The following TCF12 variants were observed in gnomAD, a reference collection of about 807,000 sequenced individuals.
TCF12 encodes the protein transcription factor 12, also known as DNA-binding protein HTF4.
TCF12 carries 45 observed loss-of-function variants against 86.0 expected under a neutral mutation model. That is an observed-to-expected ratio of 0.52 (90% CI 0.41 to 0.67). The LOEUF is 0.67. Among genes scored for constraint, TCF12 ranks in the 30% least tolerant of loss-of-function variants. The pLI is 0.00. For missense variants in TCF12, 881 were observed against 859.9 expected, an observed-to-expected ratio of 1.02 and a Z score of -0.31; for synonymous variants, 330 against 299.6, an observed-to-expected ratio of 1.10 and a Z score of -1.05.
chr15:57,189,384 A>T (rs1361440265), intron 6 of TCF12, among the ~76,000 whole-genome samples: 3 of 152,190 alleles, frequency 2.0e-5, no homozygotes, highest in African/African-American at 7.2e-5. Flanking sequence ...AACTCTTACA[A>T]TTCAACAACA....
chr15:57,222,139 T>G (rs1277650098), intron 8 of TCF12, among the ~76,000 whole-genome samples: 1 of 151,956 alleles, frequency 6.6e-6, no homozygotes, highest in Non-Finnish European at 1.5e-5. Flanking sequence ...TGATTCATTT[T>G]TAACATCCCA....
At chr15:57,055,584 T>A (rs1344060962) in intron 3 of TCF12, among the ~76,000 whole-genome samples, 3 of 152,058 alleles carry the variant, frequency 2.0e-5, no homozygotes, top group Non-Finnish European at 4.4e-5. Context: ...TTCTCCCACA[T>A]CCCCCAACCC....
chr15:57,208,402 A>C (rs1224137768), intron 8 of TCF12, among the ~76,000 whole-genome samples: 1 of 1,358 alleles, frequency 7.4e-4, no homozygotes, highest in South Asian at 9.1e-3. Flanking sequence ...TTTTTTTTGG[A>C]GACAGAGTCT....
chr15:57,282,098 A>G, intron 19 of TCF12: 2 of 321,176 alleles, frequency 6.2e-6, no homozygotes, highest in South Asian at 5.4e-5. Context: ...ATTCATGTCA[A>G]TTCAGTGTAC....
intron 5 of TCF12, among the ~76,000 whole-genome samples, chr15:57,093,504 G>A (rs957363601): frequency 7.2e-5 from 11 of 152,072 alleles, no homozygotes; most frequent in Non-Finnish European, 8.8e-5. Flanking sequence ...TGACTTTTAG[G>A]CCCAATGGAA....
rs796551176 is a variant in TCF12, at chr15:57,049,564, G to A, written c.149-14186G>A. Among the ~76,000 whole-genome samples the A allele has an allele frequency of 4.6e-5, 7 of 152,340 alleles. 1 individual carries two copies. The highest frequency in any genetic ancestry group is 1.7e-4 in the African/African-American group (7 of 41,582). ...AGTTTGTTCTTTCTGTTGCTGAATAGTAGTATTTCATTGTATCAATAAACC... is the reference window on the plus strand; with the variant it reads ...AGTTTGTTCTTTCTGTTGCTGAATAATAGTATTTCATTGTATCAATAAACC... On this transcript the variant is annotated intron_variant, in intron 3 of 20. Transcript: ENST00000333725.
intron 3 of TCF12, among the ~76,000 whole-genome samples, 179 bp from the exon 4 acceptor site, chr15:57,063,571 C>A (rs2068621419): frequency 6.6e-6 from 1 of 152,078 alleles, no homozygotes. Flanking sequence ...ATTGATGGAG[C>A]AATGATGAAG....
At chr15:56,994,405 G>A (rs1179433245) in intron 3 of TCF12, among the ~76,000 whole-genome samples, 1 of 152,050 alleles carries the variant, frequency 6.6e-6, no homozygotes, top group African/African-American at 2.4e-5. Context: ...GTAGTTTTGA[G>A]AAAATATTTG....
intron 3 of TCF12, among the ~76,000 whole-genome samples, chr15:56,967,361 G>A (rs1347414014): frequency 1.3e-5 from 2 of 151,946 alleles, no homozygotes; most frequent in East Asian, 1.9e-4. Flanking sequence ...GACTGGATTC[G>A]CCAATTGAGA....
chr15:57,077,429 C>G (rs2070209318), intron 4 of TCF12, among the ~76,000 whole-genome samples: 1 of 140,876 alleles, frequency 7.1e-6, no homozygotes, highest in African/African-American at 2.7e-5. Context: ...GGCTGGAGTG[C>G]AGTGACATGA....
chr15:57,200,890 G>T (rs376339019), intron 8 of TCF12, among the ~76,000 whole-genome samples: 4 of 152,108 alleles, frequency 2.6e-5, no homozygotes, highest in Non-Finnish European at 5.9e-5. Context: ...TAAGTGAATG[G>T]TTCACCTAAA....
intron 3 of TCF12, among the ~76,000 whole-genome samples, chr15:57,014,009 C>G (rs1334205251): frequency 6.6e-6 from 1 of 152,156 alleles, no homozygotes; most frequent in African/African-American, 2.4e-5. Context: ...GGAGAGGACA[C>G]TACTGTATTT....
At chr15:57,141,014 T>C (rs1201755949) in intron 5 of TCF12, among the ~76,000 whole-genome samples, 1 of 152,170 alleles carries the variant, frequency 6.6e-6, no homozygotes, top group Non-Finnish European at 1.5e-5. Flanking sequence ...CTTTATGATG[T>C]GTTTTTTAAA....
At chr15:57,055,867 T>C (rs894884333) in intron 3 of TCF12, among the ~76,000 whole-genome samples, 20 of 152,176 alleles carry the variant, frequency 1.3e-4, no homozygotes, top group Non-Finnish European at 7.4e-5. Flanking sequence ...TTTGGCCTTA[T>C]TTCTTCAAAC....
rs955111964 is a variant in TCF12 at position 57,114,695 on chromosome 15, A to G, written c.325+22804A>G. Among the ~76,000 whole-genome samples, 6 of 152,174 alleles carry G rather than the reference A, an allele frequency of 3.9e-5. No homozygotes were observed. The South Asian group carries it at 8.3e-4, about 21-fold the overall frequency. Reference sequence around the variant, plus strand: ...CCATTGTAAGCATTTCTTAGGGTACATGAATTCCTCTCAATTGTTTCTAAT... The same window carrying G: ...CCATTGTAAGCATTTCTTAGGGTACGTGAATTCCTCTCAATTGTTTCTAAT... On this transcript the variant is annotated intron_variant, in intron 5 of 20. Coordinates refer to ENST00000333725, the MANE Select transcript of TCF12 (RefSeq NM_207037.2).
chr15:56,921,486 A>G (rs1226713288), intron 3 of TCF12, among the ~76,000 whole-genome samples: 1 of 152,080 alleles, frequency 6.6e-6, no homozygotes, highest in Non-Finnish European at 1.5e-5. Context: ...CTTTCAATAC[A>G]TTTATGACTA....
intron 12 of TCF12, among the ~76,000 whole-genome samples, chr15:57,240,013 G>C (rs1353915300): frequency 6.6e-6 from 1 of 152,200 alleles, no homozygotes; most frequent in East Asian, 1.9e-4. Flanking sequence ...ACAGGGAAAT[G>C]AAAGAATACT....
intron 3 of TCF12, among the ~76,000 whole-genome samples, chr15:57,037,182 C>T (rs2066555555): frequency 6.6e-6 from 1 of 152,154 alleles, no homozygotes; most frequent in South Asian, 2.1e-4. Flanking sequence ...AGCACGGTGG[C>T]TCATACCTGT....
intron 5 of TCF12, among the ~76,000 whole-genome samples, chr15:57,153,377 TGGCTGTTTTCCA>T (rs1212438095): frequency 6.6e-6 from 1 of 152,192 alleles, no homozygotes. Flanking sequence ...CAAGTGAGCA[TGGCTGTTTTCCA>T]GTAAAACTTT....
Sources: allele counts gnomAD v4.1 joint callset (sites outside exome capture counted in the v4.1 genomes callset), GRCh38; gene constraint gnomAD v4.1.1; transcripts MANE v1.5; gene names NCBI Gene and HGNC (gene_info 2026-07-23, HGNC 2026-07-21).